The following ZNF704 variants were observed in gnomAD, a reference collection of about 807,000 sequenced individuals.
The protein encoded by ZNF704 is glucocorticoid induced gene 1.
A neutral mutation model predicts 44.7 loss-of-function variants in ZNF704; 10 were observed. The observed-to-expected ratio is 0.22, with a 90% CI of 0.14 to 0.38. The LOEUF is 0.38. Among genes scored for constraint, ZNF704 ranks in the 10% least tolerant of loss-of-function variants. The pLI, the probability that ZNF704 is intolerant of heterozygous loss-of-function variation, is 1.00. For missense variants in ZNF704, 390 were observed against 545.5 expected (o/e 0.71, Z 2.84); for synonymous variants, 211 against 207.6 (o/e 1.02, Z -0.14).
At chr8:80,680,756 CTTTA>C (rs780591387) in intron 4 of ZNF704, among the ~76,000 whole-genome samples, 5 of 151,972 alleles carry the variant, frequency 3.3e-5, no homozygotes, top group East Asian at 3.9e-4. Context: ...CTTTTGGGGG[CTTTA>C]TTTATTTATT....
intron 3 of ZNF704, among the ~76,000 whole-genome samples, chr8:80,692,339 C>T (rs1818652022): frequency 6.6e-6 from 1 of 151,706 alleles, no homozygotes; most frequent in Admixed American, 6.6e-5. Flanking sequence ...ATAATAATAC[C>T]TCATAGAATT....
Position 80,628,833 on chromosome 8 carries a change from C to T in ZNF704, c.*12533G>A, listed in dbSNP as rs1817542417. 1 of 152,214 alleles carries T rather than the reference C, an allele frequency of 6.6e-6. No individual in the cohort carries two copies. The highest frequency in any genetic ancestry group is 6.5e-5 in the Admixed American group (1 of 15,284). The allele number at this position is 152,214 out of a possible 1,614,324, so 9.4% of individuals were successfully genotyped here. On this transcript the variant is annotated 3_prime_UTR_variant, in exon 9 of 9. Coordinates refer to ENST00000327835, the MANE Select transcript of ZNF704 (RefSeq NM_001033723.3). ...CTCTGGGGGGACAGAGCCACTTCTG[C>T]ATTTTACACTTAAACGGGCCACAGA...
At chr8:80,767,925 G>C (rs190429834) in intron 2 of ZNF704, among the ~76,000 whole-genome samples, 5 of 152,244 alleles carry the variant, frequency 3.3e-5, no homozygotes, top group Admixed American at 2.0e-4. Flanking sequence ...AGTTTTAGAA[G>C]AAACTAAACA....
chr8:80,801,599 G>C (rs956975927), intron 2 of ZNF704, among the ~76,000 whole-genome samples: 2 of 152,146 alleles, frequency 1.3e-5, no homozygotes, highest in African/African-American at 4.8e-5. Context: ...CAGAAATCAA[G>C]AAGTTCTTTG....
intron 4 of ZNF704, among the ~76,000 whole-genome samples, chr8:80,685,391 C>A (rs776441042): frequency 9.2e-5 from 14 of 152,086 alleles, no homozygotes; most frequent in Non-Finnish European, 1.8e-4. Flanking sequence ...CTTGTCACAA[C>A]CCTGGGCCGT....
chr8:80,787,026 A>G (rs1303033570), intron 2 of ZNF704, among the ~76,000 whole-genome samples: 2 of 152,206 alleles, frequency 1.3e-5, no homozygotes, highest in Admixed American at 6.5e-5. Context: ...TTTTTATTGA[A>G]TAAGTGTGAT....
intron 2 of ZNF704, among the ~76,000 whole-genome samples, chr8:80,765,771 C>T (rs546387245): frequency 3.9e-5 from 6 of 152,256 alleles, no homozygotes; most frequent in Admixed American, 1.3e-4. Context: ...AGATTTTCAG[C>T]AGCACCTATC....
At chr8:80,676,282 A>G (rs1418394931) in intron 4 of ZNF704, among the ~76,000 whole-genome samples, 6 of 152,218 alleles carry the variant, frequency 3.9e-5, no homozygotes, top group African/African-American at 7.2e-5. Flanking sequence ...GTTTGTAAAG[A>G]TAAGTTATAC....
chr8:80,674,910 A>G (rs1385243099), intron 4 of ZNF704, among the ~76,000 whole-genome samples: 1 of 152,244 alleles, frequency 6.6e-6, no homozygotes, highest in African/African-American at 2.4e-5. Flanking sequence ...CAACAGTCCA[A>G]GTATCTGTCT....
rs547144760 is a variant in ZNF704, at chr8:80,647,611, C to T, written c.1033-4482G>A. 6.6e-5 allele frequency among the ~76,000 whole-genome samples: 10 copies of T among 152,166 alleles called. No homozygotes were observed. The South Asian group carries it at 1.2e-3, about 19-fold the overall frequency. The stretch of plus-strand genomic sequence containing the variant: ...TACTGGTGGTTTAGACTAGGTATGG[C>T]GGCAGTGGTGGGGAGGGTCTGGATT... On this transcript the variant is annotated intron_variant, in intron 7 of 8. Coordinates refer to ENST00000327835, the MANE Select transcript of ZNF704 (RefSeq NM_001033723.3).
chr8:80,849,330 C>T (rs2129993448), intron 1 of ZNF704, among the ~76,000 whole-genome samples: 1 of 152,254 alleles, frequency 6.6e-6, no homozygotes. Context: ...GTAGGTTGAC[C>T]ACCAAGGGAA....
intron 1 of ZNF704, among the ~76,000 whole-genome samples, chr8:80,830,516 G>T (rs1307339111): frequency 6.6e-6 from 1 of 152,120 alleles, no homozygotes; most frequent in East Asian, 1.9e-4. Flanking sequence ...ACTTTTTGGG[G>T]TGATGGAAAT....
chr8:80,740,553 G>C (rs1806739837), intron 2 of ZNF704, among the ~76,000 whole-genome samples: 1 of 152,168 alleles, frequency 6.6e-6, no homozygotes, highest in Non-Finnish European at 1.5e-5. Flanking sequence ...CCAACAGACA[G>C]TGGAGGTCAG....
intron 2 of ZNF704, among the ~76,000 whole-genome samples, chr8:80,816,969 A>G (rs938074041): frequency 6.6e-6 from 1 of 152,194 alleles, no homozygotes; most frequent in African/African-American, 2.4e-5. Context: ...ACCAACCCCA[A>G]GAAACTCAGA....
chr8:80,876,908 G>A (rs755036494), upstream of ZNF704, among the ~76,000 whole-genome samples: 2 of 152,076 alleles, frequency 1.3e-5, no homozygotes, highest in Admixed American at 1.3e-4. Flanking sequence ...GTCATCGGAG[G>A]ACCATGGTCA....
At position 80,675,971 on chromosome 8, in the gene ZNF704, A is replaced by G. The variant is rs1289554766; in HGVS notation, c.559-5368T>C. The stretch of plus-strand genomic sequence containing the variant: ...CAGCATCCAATATTTTATGTTGGAG[A>G]TTGAGAAGGAGCAGTAAGAGAGAGA... On this transcript the variant is annotated intron_variant, in intron 4 of 8. Coordinates refer to ENST00000327835, the MANE Select transcript of ZNF704 (RefSeq NM_001033723.3). 3.3e-5 allele frequency among the ~76,000 whole-genome samples: 5 copies of G among 152,146 alleles called. No homozygotes were observed. The East Asian group carries it at 9.6e-4, about 29-fold the overall frequency.
At chr8:80,693,220 C>A in intron 2 of ZNF704, 113 bp from the exon 3 acceptor site, 1 of 843,062 alleles carries the variant, frequency 1.2e-6, no homozygotes, top group Non-Finnish European at 1.9e-6. Flanking sequence ...CATGAACAAC[C>A]GATGTTCTGT....
intron 2 of ZNF704, among the ~76,000 whole-genome samples, chr8:80,703,105 G>C (rs748207829): frequency 4.6e-5 from 7 of 152,062 alleles, no homozygotes; most frequent in Non-Finnish European, 8.8e-5. Context: ...GAAACACCTG[G>C]CCCTCTCTGC....
intron 2 of ZNF704, among the ~76,000 whole-genome samples, chr8:80,791,343 A>G (rs1343192333): frequency 6.6e-6 from 1 of 152,250 alleles, no homozygotes; most frequent in Non-Finnish European, 1.5e-5. Flanking sequence ...CTGTCCCTGC[A>G]GATCCTTAGG....
Sources: allele counts gnomAD v4.1 joint callset (sites outside exome capture counted in the v4.1 genomes callset), GRCh38; gene constraint gnomAD v4.1.1; transcripts MANE v1.5; gene names NCBI Gene and HGNC (gene_info 2026-07-23, HGNC 2026-07-21).